HNRNPA1L3: variants seen among roughly 807,000 people sequenced by gnomAD.
The protein encoded by HNRNPA1L3 is heterogeneous nuclear ribonucleoprotein A1 like 3.
At chr16:51,646,759 T>C in the HNRNPA1L3 span, 1 of 1,596,602 alleles carries the variant, frequency 6.3e-7, no homozygotes, top group Admixed American at 1.7e-5. Flanking sequence ...GCAGTAGCTA[T>C]GGCAGTGGCA....
At chr16:51,646,382 G>A in the HNRNPA1L3 span, 11 of 1,507,432 alleles carry the variant, frequency 7.3e-6, no homozygotes, top group Admixed American at 3.3e-5. Flanking sequence ...GATGGCTAGT[G>A]CTTCATCCAG....
chr16:51,646,301 A>T, the HNRNPA1L3 span: 1 of 1,590,622 alleles, frequency 6.3e-7, no homozygotes, highest in Non-Finnish European at 8.5e-7. Context: ...CGTGGATAAG[A>T]TTGTCATTCA....
the HNRNPA1L3 span, chr16:51,645,837 C>T: frequency 1.0e-5 from 16 of 1,606,262 alleles, no homozygotes; most frequent in East Asian, 3.3e-4. Context: ...TCAGAGTCTC[C>T]TAAAGAGCCC....
the HNRNPA1L3 span, chr16:51,646,808 A>T: frequency 6.4e-7 from 1 of 1,562,074 alleles, no homozygotes. Context: ...GCAGGAGAGG[A>T]GAGCCAGAGA....
At chr16:51,646,258 C>A in the HNRNPA1L3 span, 2 of 1,596,550 alleles carry the variant, frequency 1.3e-6, no homozygotes, top group Middle Eastern at 2.2e-4. Flanking sequence ...AGAAAAGGGG[C>A]TTTGCCTTTG....
the HNRNPA1L3 span, chr16:51,646,080 G>C: frequency 1.3e-6 from 2 of 1,594,488 alleles, no homozygotes; most frequent in Non-Finnish European, 1.7e-6. Flanking sequence ...GAACCAAAGA[G>C]AGCTGTCTCC....
At chr16:51,645,941 G>A in the HNRNPA1L3 span, 59,328 of 1,606,152 alleles carry the variant, frequency 0.037, 1,323 homozygotes, top group Non-Finnish European at 0.041. Flanking sequence ...AACGCTCACG[G>A]ACTGTGTGGT....
chr16:51,647,013 T>A, the HNRNPA1L3 span: 2 of 582,858 alleles, frequency 3.4e-6, no homozygotes, highest in African/African-American at 3.8e-5. Context: ...GTGTAAAGCA[T>A]TCCAACAAAG....
chr16:51,646,720 C>A, the HNRNPA1L3 span: 1 of 1,598,640 alleles, frequency 6.3e-7, no homozygotes, highest in Non-Finnish European at 8.5e-7. Context: ...AACCACGAAA[C>A]CAAGGTGGCT....
At chr16:51,646,262 G>C in the HNRNPA1L3 span, 3 of 1,596,544 alleles carry the variant, frequency 1.9e-6, no homozygotes, top group East Asian at 6.7e-5. Context: ...AAGGGGCTTT[G>C]CCTTTGTAAC....
chr16:51,645,837 C>CT, the HNRNPA1L3 span: 1 of 1,606,262 alleles, frequency 6.2e-7, no homozygotes, highest in African/African-American at 1.3e-5. Flanking sequence ...TCAGAGTCTC[C>CT]TAAAGAGCCC....
the HNRNPA1L3 span, chr16:51,646,381 T>C: frequency 1.3e-6 from 2 of 1,509,584 alleles, no homozygotes; most frequent in Admixed American, 1.7e-5. Context: ...AGATGGCTAG[T>C]GCTTCATCCA....
the HNRNPA1L3 span, chr16:51,646,011 T>A: frequency 6.3e-7 from 1 of 1,594,354 alleles, no homozygotes; most frequent in Non-Finnish European, 8.5e-7. Flanking sequence ...TATGCCACTG[T>A]GGAGGAGGTG....
chr16:51,646,117 C>T, the HNRNPA1L3 span: 12 of 1,595,954 alleles, frequency 7.5e-6, no homozygotes, highest in Non-Finnish European at 1.0e-5. Flanking sequence ...GACCAGATGC[C>T]CACTTAACTG....
At chr16:51,646,702 C>T in the HNRNPA1L3 span, 1 of 1,598,796 alleles carries the variant, frequency 6.3e-7, no homozygotes, top group South Asian at 1.1e-5. Flanking sequence ...GAGGCCAATA[C>T]TTTGCAAAAC....
chr16:51,646,075 A>G, the HNRNPA1L3 span: 1 of 1,594,392 alleles, frequency 6.3e-7, no homozygotes, highest in East Asian at 2.2e-5. Flanking sequence ...TTGTGGAACC[A>G]AAGAGAGCTG....
chr16:51,646,610 A>C, the HNRNPA1L3 span: 2 of 1,594,446 alleles, frequency 1.3e-6, no homozygotes, highest in Non-Finnish European at 1.7e-6. Context: ...TGATTTTGGC[A>C]ATTACAACAA....
the HNRNPA1L3 span, chr16:51,646,684 T>C: frequency 6.3e-7 from 1 of 1,598,512 alleles, no homozygotes; most frequent in Non-Finnish European, 8.5e-7. Context: ...CTGGCCCCCA[T>C]GGCGGTGGAG....
chr16:51,646,273 C>A, the HNRNPA1L3 span: 105 of 1,596,346 alleles, frequency 6.6e-5, no homozygotes, highest in Middle Eastern at 2.2e-4. Flanking sequence ...CCTTTGTAAC[C>A]TTTGACGACC....
Sources: allele counts gnomAD v4.1 joint callset, GRCh38; gene constraint gnomAD v4.1.1; transcripts MANE v1.5; gene names NCBI Gene and HGNC (gene_info 2026-07-23, HGNC 2026-07-21).